GLT1D1: variants seen among roughly 807,000 people sequenced by gnomAD.
GLT1D1 encodes glycosyltransferase 1 domain-containing protein 1.
GLT1D1 carries 21 observed loss-of-function variants against 28.7 expected under a neutral mutation model. That is an observed-to-expected ratio of 0.73 (90% CI 0.52 to 1.05). GLT1D1 has a LOEUF of 1.05. Among genes scored for constraint, GLT1D1 ranks in the 50% least tolerant of loss-of-function variants. The pLI is 0.00. For synonymous variants in GLT1D1, 147 were observed against 124.8 expected (o/e 1.18, Z -1.19); for missense variants, 343 against 330.6 (o/e 1.04, Z -0.29).
intron 4 of GLT1D1, among the ~76,000 whole-genome samples, chr12:128,922,725 C>T (rs892099050): frequency 1.3e-5 from 2 of 151,948 alleles, no homozygotes; most frequent in Admixed American, 1.3e-4. Flanking sequence ...GAGTTTGAGC[C>T]CAGCCTGGCC....
intron 2 of GLT1D1, among the ~76,000 whole-genome samples, chr12:128,881,550 AAAAAAAAAAAAATAT>A (rs1195741821): frequency 2.0e-4 from 15 of 73,544 alleles, no homozygotes; most frequent in Admixed American, 3.8e-4. Flanking sequence ...AAAAAAAAAA[AAAAAAAAAAAAATAT>A]ATATATATAT....
chr12:128,983,144 T>C lies in GLT1D1; in HGVS notation c.*54T>C. 6.6e-7 allele frequency: 1 copy of C among 1,508,022 alleles called. No homozygotes were observed. The highest frequency in any genetic ancestry group is 9.2e-7 in the Non-Finnish European group (1 of 1,090,260). 93.4% of individuals were successfully genotyped at this position (1,508,022 alleles called of 1,614,324 possible). On this transcript the variant is annotated 3_prime_UTR_variant, in exon 8 of 8. Transcript: ENST00000281703. The surrounding 1 kb of genome is among the most constrained non-coding windows in gnomAD (Gnocchi z 4.7). ...CTGACACACAGCTCTGGGTGCACAC[T>C]CAGAGACAGAGTTCTGGATCACGTG... is the stretch of plus-strand genomic sequence containing the variant.
chr12:128,887,014 A>AT (rs60745415), intron 2 of GLT1D1, among the ~76,000 whole-genome samples: 8,016 of 142,862 alleles, frequency 0.056, 669 homozygotes, highest in African/African-American at 0.18. Context: ...CCCAACCCAG[A>AT]TTTTTTTTTT....
rs762790937 is a variant in GLT1D1, at chr12:128,945,338, T to A, written c.388T>A (p.Phe130Ile). Residue 130 changes from phenylalanine to isoleucine, a missense_variant, in exon 5 of 8, where the codon TTT (phenylalanine) becomes ATT (isoleucine). Physicochemically the swap from Phe to Ile is conservative, Grantham distance 21 (BLOSUM62 0). Coordinates refer to ENST00000281703, the MANE Select transcript of GLT1D1 (RefSeq NM_144669.3). Reference sequence around the variant, plus strand: ...TGTCTCTTTTCAGGTCGATCCAGTGTTTACAAGGGAAGTGAAAGCCAAAGT... The same window carrying A: ...TGTCTCTTTTCAGGTCGATCCAGTGATTACAAGGGAAGTGAAAGCCAAAGT... The A allele has an allele frequency of 1.2e-6, 2 of 1,614,072 alleles. No homozygotes were observed. Among genetic ancestry groups the A allele is most frequent in the Non-Finnish European group, 1.7e-6 (2 of 1,179,926 alleles).
intron 1 of GLT1D1, among the ~76,000 whole-genome samples, chr12:128,872,036 C>T (rs1241662839): frequency 6.6e-6 from 1 of 152,136 alleles, no homozygotes; most frequent in Non-Finnish European, 1.5e-5. Context: ...ACTGCAGTCT[C>T]CGCCTCCCGG....
chr12:128,879,928 T>A (rs932527856), intron 2 of GLT1D1, among the ~76,000 whole-genome samples: 3 of 152,250 alleles, frequency 2.0e-5, no homozygotes, highest in Non-Finnish European at 4.4e-5. Context: ...TGCACCATAC[T>A]TATTAAAAGT....
intron 6 of GLT1D1, among the ~76,000 whole-genome samples, chr12:128,952,441 G>GA (rs1440413290): frequency 7.6e-6 from 1 of 131,124 alleles, no homozygotes; most frequent in East Asian, 2.6e-4. Context: ...GGGTGGGGGG[G>GA]GGTGGGGCTG....
At chr12:128,982,470 C>G (rs2135563282) in intron 7 of GLT1D1, among the ~76,000 whole-genome samples, 1 of 152,260 alleles carries the variant, frequency 6.6e-6, no homozygotes, top group South Asian at 2.1e-4. Context: ...GACAGAACAA[C>G]ACAAAGGAAA....
At chr12:128,925,796 A>C (rs11060021) in intron 4 of GLT1D1, among the ~76,000 whole-genome samples, 62 of 152,264 alleles carry the variant, frequency 4.1e-4, no homozygotes, top group East Asian at 3.9e-4. Flanking sequence ...CCCGTGCCTC[A>C]TCCTTTTTCT....
chr12:128,897,903 G>T (rs1288712117), intron 3 of GLT1D1, among the ~76,000 whole-genome samples: 3 of 152,106 alleles, frequency 2.0e-5, no homozygotes, highest in Non-Finnish European at 2.9e-5. Context: ...TCCTGACCTT[G>T]TGATCCGCCC....
chr12:128,885,285 C>A (rs1176290761), intron 2 of GLT1D1, among the ~76,000 whole-genome samples: 1 of 152,138 alleles, frequency 6.6e-6, no homozygotes, highest in African/African-American at 2.4e-5. Flanking sequence ...TGCAGTGGCA[C>A]AATCTTGGCT....
chr12:128,891,102 T>C (rs1593090390), intron 3 of GLT1D1, among the ~76,000 whole-genome samples: 1 of 128,602 alleles, frequency 7.8e-6, no homozygotes, highest in African/African-American at 2.7e-5. Context: ...AGCGACACTG[T>C]CTCAAAAAAA....
intron 4 of GLT1D1, among the ~76,000 whole-genome samples, chr12:128,905,849 A>G (rs1870809057): frequency 6.6e-6 from 1 of 151,400 alleles, no homozygotes. Context: ...TTCTTTATTA[A>G]AGGAGTCTCA....
At chr12:128,865,757 G>A (rs1402653420) in intron 1 of GLT1D1, among the ~76,000 whole-genome samples, 1 of 152,058 alleles carries the variant, frequency 6.6e-6, no homozygotes, top group Non-Finnish European at 1.5e-5. Context: ...GGGAGACAGA[G>A]GTTTCAGTGA....
At chr12:128,942,712 C>T (rs1389817050) in intron 4 of GLT1D1, among the ~76,000 whole-genome samples, 6 of 148,440 alleles carry the variant, frequency 4.0e-5, no homozygotes, top group Non-Finnish European at 5.9e-5. Flanking sequence ...ACTCAGGAAT[C>T]ACTTTAGATT....
rs34911662 is a variant in GLT1D1, at chr12:128,954,288, A to ATTTT, written c.541-3245_541-3242dup. ...AGGCACCCACCACCACACCCGGCTA[A>ATTTT]TTTTTTTTTTTTTTTGTATTTTTAG... On this transcript the variant is annotated intron_variant, in intron 6 of 7. Coordinates refer to ENST00000281703, the MANE Select transcript of GLT1D1 (RefSeq NM_144669.3). Among the ~76,000 whole-genome samples, 198 of 139,016 alleles carry ATTTT rather than the reference A, an allele frequency of 1.4e-3. 2 individuals carry two copies. Among genetic ancestry groups the ATTTT allele is most frequent in the Middle Eastern group, 3.8e-3 (1 of 266 alleles). 91.2% of individuals were successfully genotyped at this position (139,016 alleles called of 152,430 possible).
Position 128,953,836 on chromosome 12 carries a change from C to G in GLT1D1, c.541-3709C>G, listed in dbSNP as rs573332044. Among the ~76,000 whole-genome samples, 8 of 151,862 alleles carry G rather than the reference C, an allele frequency of 5.3e-5. No individual in the cohort carries two copies. In the East Asian group the frequency reaches 1.6e-3, roughly 30 times the overall value. On this transcript the variant is annotated intron_variant, in intron 6 of 7. Coordinates refer to ENST00000281703, the MANE Select transcript of GLT1D1 (RefSeq NM_144669.3). ...TCTCGGCTCACTGCAACCTCCGCCT[C>G]CCGGGATCAAGCGATTCTCCTGCCT...
At chr12:128,860,062 C>T (rs1214937318) in intron 1 of GLT1D1, among the ~76,000 whole-genome samples, 1 of 152,184 alleles carries the variant, frequency 6.6e-6, no homozygotes, top group Admixed American at 6.5e-5. Flanking sequence ...GAGCTGCTAG[C>T]GAGTATTCTG....
intron 4 of GLT1D1, among the ~76,000 whole-genome samples, chr12:128,938,016 G>A (rs1367257882): frequency 2.0e-5 from 3 of 152,204 alleles, no homozygotes; most frequent in Non-Finnish European, 4.4e-5. Flanking sequence ...CAGAATCGAC[G>A]TAAGCTTATG....
Sources: gnomAD v4.1 joint callset for allele counts (sites outside exome capture counted in the v4.1 genomes callset) on GRCh38, gnomAD v4.1.1 for gene constraint, Gnocchi (gnomAD v3.1) non-coding constraint, MANE v1.5 for transcripts, NCBI Gene and HGNC (gene_info 2026-07-23, HGNC 2026-07-21) for gene names.